The following HMGB1 variants were observed in gnomAD, a reference collection of about 807,000 sequenced individuals.
HMGB1 encodes high mobility group box 1, also known as high mobility group protein B1.
For missense variants in HMGB1, 79 were observed against 253.5 expected, an observed-to-expected ratio of 0.31 and a Z score of 4.67; for synonymous variants, 81 against 84.0, an observed-to-expected ratio of 0.96 and a Z score of 0.19.
chr13:30,519,531 TA>T, intron 1 of HMGB1, among the ~76,000 whole-genome samples: 1 of 89,652 alleles, frequency 1.1e-5, no homozygotes, highest in East Asian at 3.0e-4. Context: ...CTGTCTCTAC[TA>T]AAAATACAAA....
intron 1 of HMGB1, among the ~76,000 whole-genome samples, chr13:30,579,511 T>C (rs533319589): frequency 2.6e-5 from 4 of 152,328 alleles, no homozygotes; most frequent in Admixed American, 6.5e-5. Context: ...CCATGAAGCA[T>C]TTTGGGGAGA....
chr13:30,518,711 CTT>C (rs573738449), intron 1 of HMGB1, among the ~76,000 whole-genome samples: 4 of 144,962 alleles, frequency 2.8e-5, no homozygotes, highest in Admixed American at 7.0e-5. Context: ...TCATAGAAAC[CTT>C]TTTTTTTTTG....
chr13:30,557,286 T>C (rs1869731745), intron 1 of HMGB1, among the ~76,000 whole-genome samples: 1 of 152,226 alleles, frequency 6.6e-6, no homozygotes, highest in African/African-American at 2.4e-5. Context: ...TGGGAAGTTC[T>C]AACTGAAATA....
chr13:30,476,428 C>T (rs1887100037), intron 1 of HMGB1, among the ~76,000 whole-genome samples: 2 of 152,040 alleles, frequency 1.3e-5, no homozygotes, highest in Admixed American at 6.6e-5. Context: ...CCTGAGCCAT[C>T]GCGCCCAGCC....
intron 1 of HMGB1, among the ~76,000 whole-genome samples, chr13:30,520,963 T>C (rs1242788924): frequency 6.6e-6 from 1 of 152,240 alleles, no homozygotes; most frequent in Non-Finnish European, 1.5e-5. Context: ...TCTGGGATTT[T>C]ATTCCAGGCA....
chr13:30,521,104 G>A (rs1279317427), intron 1 of HMGB1, among the ~76,000 whole-genome samples: 2 of 152,182 alleles, frequency 1.3e-5, no homozygotes, highest in Admixed American at 1.3e-4. Flanking sequence ...TTGGTAAGAG[G>A]TTAATCAAGC....
intron 1 of HMGB1, among the ~76,000 whole-genome samples, chr13:30,492,470 A>G (rs1379303617): frequency 2.0e-5 from 3 of 152,224 alleles, no homozygotes; most frequent in Non-Finnish European, 2.9e-5. Context: ...TTTTTTCAGT[A>G]GGCAAAAGAC....
intron 1 of HMGB1, among the ~76,000 whole-genome samples, chr13:30,494,156 G>A (rs147474498): frequency 0.016 from 2,446 of 152,216 alleles, 33 homozygotes; most frequent in African/African-American, 0.04. Flanking sequence ...TCATCTGTTT[G>A]TCCTCTTGGT....
intron 1 of HMGB1, among the ~76,000 whole-genome samples, chr13:30,490,725 A>G (rs1438762408): frequency 1.3e-5 from 2 of 152,014 alleles, no homozygotes; most frequent in Non-Finnish European, 2.9e-5. Context: ...TGAGGCTGCA[A>G]TGAGCTATGA....
At chr13:30,554,726 C>T in intron 1 of HMGB1, 1 of 769,372 alleles carries the variant, frequency 1.3e-6, no homozygotes, top group South Asian at 1.3e-5. Context: ...TTCTAGAGGA[C>T]AGAAAGGCCA....
chr13:30,501,219 A>G (rs1208120818), intron 1 of HMGB1, among the ~76,000 whole-genome samples: 1 of 152,198 alleles, frequency 6.6e-6, no homozygotes, highest in Non-Finnish European at 1.5e-5. Context: ...GTCAAATTAC[A>G]TACTTTTAAG....
chr13:30,554,069 G>C, intron 1 of HMGB1: 1 of 1,361,444 alleles, frequency 7.3e-7, no homozygotes, highest in Non-Finnish European at 1.0e-6. Context: ...ATGACCAAAA[G>C]ATGCTGTTTA....
chr13:30,607,716 T>G (rs1393987185), intron 1 of HMGB1, among the ~76,000 whole-genome samples: 1 of 152,152 alleles, frequency 6.6e-6, no homozygotes, highest in Non-Finnish European at 1.5e-5. Flanking sequence ...TATAAATTAC[T>G]GATACAGAAA....
Position 30,465,912 on chromosome 13 carries a change from C to T in HMGB1, c.-131G>A, listed in dbSNP as rs542890059. 4.1e-6 allele frequency: 4 copies of T among 985,994 alleles called. No homozygotes were observed. In the Admixed American group the frequency reaches 1.8e-4, roughly 45 times the overall value. The allele number at this position is 985,994 out of a possible 1,614,324, so 61.1% of individuals were successfully genotyped here. A position where few individuals can be genotyped will look rare whatever the true frequency, so the allele number is the denominator to read the frequency against. On this transcript the variant is annotated 5_prime_UTR_variant, in exon 1 of 5. Transcript: ENST00000341423. ...GAGAGCGGGAGCCAGACGCAGCCTC[C>T]TCACTCTCTCCGCTCTGTAACATTA... is the stretch of plus-strand genomic sequence containing the variant.
chr13:30,464,914 C>T (rs1197696778), intron 1 of HMGB1, among the ~76,000 whole-genome samples: 16 of 141,688 alleles, frequency 1.1e-4, no homozygotes, highest in African/African-American at 3.8e-4. Flanking sequence ...GCGGCCGGGC[C>T]CTCCCCTCCG....
At chr13:30,574,000 A>G (rs1870543642) in intron 1 of HMGB1, among the ~76,000 whole-genome samples, 2 of 152,198 alleles carry the variant, frequency 1.3e-5, no homozygotes, top group Non-Finnish European at 2.9e-5. Context: ...GAACGGCAAT[A>G]TCAATAATCA....
chr13:30,462,470 C>CA, intron 4 of HMGB1, 68 bp downstream of exon 4: 1 of 1,302,680 alleles, frequency 7.7e-7, no homozygotes, highest in South Asian at 1.2e-5. Context: ...TATTACACCT[C>CA]AAACTAAGTA....
chr13:30,467,564 G>A (rs1196152550), upstream of HMGB1, among the ~76,000 whole-genome samples: 1 of 152,138 alleles, frequency 6.6e-6, no homozygotes, highest in Non-Finnish European at 1.5e-5. Context: ...CACATGCAGT[G>A]TTTAAAGATA....
chr13:30,546,590 G>A (rs1869169908), intron 1 of HMGB1, among the ~76,000 whole-genome samples: 1 of 152,154 alleles, frequency 6.6e-6, no homozygotes, highest in Non-Finnish European at 1.5e-5. Flanking sequence ...CTCAAGTGGT[G>A]CTCCCAGTTC....
Sources: gnomAD v4.1 joint callset for allele counts (sites outside exome capture counted in the v4.1 genomes callset) on GRCh38, gnomAD v4.1.1 for gene constraint, MANE v1.5 for transcripts, NCBI Gene and HGNC (gene_info 2026-07-23, HGNC 2026-07-21) for gene names.